The following NRXN3 variants were observed in gnomAD, a reference collection of about 807,000 sequenced individuals.
NRXN3 encodes neurexin 3, also known as neurexin III.
Under a neutral mutation model 137.6 loss-of-function variants are expected in NRXN3, and 32 were observed. That is an observed-to-expected ratio of 0.23 (90% CI 0.18 to 0.31). The LOEUF is 0.31. Ranked by LOEUF, NRXN3 falls within the 10% of genes least tolerant of loss-of-function variation. The pLI is 1.00. For synonymous variants in NRXN3, 798 were observed against 784.5 expected, an observed-to-expected ratio of 1.02 and a Z score of -0.29; for missense variants, 1,574 against 2,062.5, an observed-to-expected ratio of 0.76 and a Z score of 4.59.
chr14:78,550,030 CTTTTT>C (rs3032366), intron 4 of NRXN3, among the ~76,000 whole-genome samples: 6 of 117,090 alleles, frequency 5.1e-5, no homozygotes, highest in African/African-American at 3.3e-5. Flanking sequence ...ATTCTGCAAA[CTTTTT>C]TTTTTTTTTT....
At chr14:79,527,361 T>C (rs1473599587) in intron 16 of NRXN3, among the ~76,000 whole-genome samples, 3 of 143,896 alleles carry the variant, frequency 2.1e-5, no homozygotes, top group Non-Finnish European at 4.5e-5. Flanking sequence ...GGGTTAGAGA[T>C]GGTGGTTAGA....
chr14:79,514,324 CCT>C (rs2096961892), intron 16 of NRXN3, among the ~76,000 whole-genome samples: 1 of 151,848 alleles, frequency 6.6e-6, no homozygotes, highest in Non-Finnish European at 1.5e-5. Context: ...AAAATTCAAG[CCT>C]CTCTCTAAAA....
chr14:79,573,987 G>T (rs1026392682), intron 16 of NRXN3, among the ~76,000 whole-genome samples: 2 of 151,892 alleles, frequency 1.3e-5, no homozygotes, highest in East Asian at 3.9e-4. Flanking sequence ...AACCCAAAAA[G>T]ATATTCAGCC....
At chr14:79,008,368 A>G (rs958011846) in intron 15 of NRXN3, among the ~76,000 whole-genome samples, 2 of 152,212 alleles carry the variant, frequency 1.3e-5, no homozygotes, top group Admixed American at 1.3e-4. Flanking sequence ...GCTGAATACT[A>G]TAACTTACTT....
chr14:79,768,179 A>T (rs910948207), intron 19 of NRXN3, among the ~76,000 whole-genome samples: 13 of 152,334 alleles, frequency 8.5e-5, no homozygotes, highest in African/African-American at 3.1e-4. Context: ...ACTGCAAGGC[A>T]GCAGCCAGAC....
intron 16 of NRXN3, among the ~76,000 whole-genome samples, chr14:79,626,339 C>A (rs1396363421): frequency 6.6e-6 from 1 of 152,008 alleles, no homozygotes. Context: ...CTAGAGGTAT[C>A]TCCTGGGACC....
At chr14:79,159,486 C>G (rs2060559663) in intron 15 of NRXN3, among the ~76,000 whole-genome samples, 1 of 151,828 alleles carries the variant, frequency 6.6e-6, no homozygotes, top group Non-Finnish European at 1.5e-5. Flanking sequence ...GGCTATTGTT[C>G]ATGCTGCTAA....
intron 6 of NRXN3, among the ~76,000 whole-genome samples, chr14:78,670,449 T>A (rs1286251220): frequency 1.3e-5 from 2 of 152,184 alleles, no homozygotes; most frequent in African/African-American, 4.8e-5. Flanking sequence ...TCCTTTCTCA[T>A]CCTGTGACTT....
intron 16 of NRXN3, among the ~76,000 whole-genome samples, chr14:79,603,063 GT>G (rs1239582351): frequency 4.6e-5 from 7 of 152,202 alleles, no homozygotes; most frequent in Non-Finnish European, 1.0e-4. Context: ...CTGGAATCCA[GT>G]TCTCTTTCAG....
chr14:78,521,448 A>G (rs1242051911), intron 4 of NRXN3, among the ~76,000 whole-genome samples: 2 of 152,212 alleles, frequency 1.3e-5, no homozygotes. Flanking sequence ...TTCTTTTCTT[A>G]AAAGTCACAT....
chr14:79,633,704 T>C (rs774142898), intron 16 of NRXN3, among the ~76,000 whole-genome samples: 8 of 152,204 alleles, frequency 5.3e-5, no homozygotes, highest in Non-Finnish European at 1.0e-4. Context: ...AATAAGACTC[T>C]CTTTTGAGAT....
At chr14:79,610,347 CAT>C (rs1196250915) in intron 16 of NRXN3, among the ~76,000 whole-genome samples, 2 of 152,144 alleles carry the variant, frequency 1.3e-5, no homozygotes, top group African/African-American at 4.8e-5. Context: ...AGGTAATTAA[CAT>C]GTGAAATTCC....
chr14:78,709,422 G>C lies in NRXN3; in HGVS notation c.1427G>C (p.Arg476Pro). The change falls in exon 7 of 21, where the codon CGC (arginine) becomes CCC (proline). Residue 476 changes from arginine (R) to proline (P), a missense_variant. Arg to Pro is a moderately radical substitution (Grantham distance 103, BLOSUM62 -2). This residue lies in a region of NRXN3 where 718 missense variants were observed against 887.6 expected (regional missense o/e 0.81). Transcript: ENST00000335750. Reference protein sequence around the residue: ...KRMGSISFDFRTTEPNGLILF... With the variant: ...KRMGSISFDFPTTEPNGLILF... ...ATGGGCTCCATCTCCTTTGACTTCC[G>C]CACCACAGAGCCCAATGGCCTGATC... The C allele has an allele frequency of 6.2e-7, 1 of 1,614,006 alleles. No homozygotes were observed. Among genetic ancestry groups the C allele is most frequent in the Non-Finnish European group, 8.5e-7 (1 of 1,179,986 alleles).
At chr14:78,393,774 T>C (rs1246788534) in intron 4 of NRXN3, among the ~76,000 whole-genome samples, 1 of 152,014 alleles carries the variant, frequency 6.6e-6, no homozygotes. Context: ...ATTAAGACCT[T>C]CTTTGATTTT....
chr14:78,716,162 A>G (rs1473993409), intron 8 of NRXN3, among the ~76,000 whole-genome samples: 1 of 152,178 alleles, frequency 6.6e-6, no homozygotes, highest in African/African-American at 2.4e-5. Flanking sequence ...AGTATCTGAC[A>G]TTTGCACCCG....
At chr14:78,209,017 T>C (rs757266493) in intron 1 of NRXN3, among the ~76,000 whole-genome samples, 11 of 152,120 alleles carry the variant, frequency 7.2e-5, no homozygotes, top group Admixed American at 1.3e-4. Context: ...CCACTTGAGA[T>C]AAAATCAGTG....
chr14:79,038,028 G>C (rs368665884), intron 15 of NRXN3, among the ~76,000 whole-genome samples: 16 of 152,174 alleles, frequency 1.1e-4, no homozygotes, highest in Admixed American at 2.0e-4. Context: ...TCCTGGACAA[G>C]TTAATTAAGG....
chr14:78,506,076 C>A (rs940490965), intron 4 of NRXN3, among the ~76,000 whole-genome samples: 5 of 152,242 alleles, frequency 3.3e-5, no homozygotes, highest in Middle Eastern at 3.4e-3. Context: ...TATAGCAGAT[C>A]TCTAAAATTT....
intron 16 of NRXN3, among the ~76,000 whole-genome samples, chr14:79,493,912 G>A (rs550722897): frequency 6.6e-6 from 1 of 152,246 alleles, no homozygotes; most frequent in African/African-American, 2.4e-5. Context: ...TCACAGTAGC[G>A]ACCAATTTGT....
Sources: allele counts gnomAD v4.1 joint callset (sites outside exome capture counted in the v4.1 genomes callset), GRCh38; gene constraint gnomAD v4.1.1; regional missense constraint gnomAD v4.1.1; transcripts MANE v1.5; gene names NCBI Gene and HGNC (gene_info 2026-07-23, HGNC 2026-07-21).